Variants in SARNP observed in about 807,000 individuals in gnomAD.
SARNP encodes SAP domain-containing ribonucleoprotein.
Under a neutral mutation model 38.1 loss-of-function variants are expected in SARNP, and 5 were observed. The observed-to-expected ratio is 0.13, with a 90% CI of 0.07 to 0.28. The LOEUF is 0.28. Ranked by LOEUF, SARNP falls within the 10% of genes least tolerant of loss-of-function variation. SARNP has a pLI of 1.00. For synonymous variants in SARNP, 84 were observed against 80.6 expected (o/e 1.04, Z -0.23); for missense variants, 180 against 243.9 (o/e 0.74, Z 1.75).
At chr12:55,761,741 T>G (rs892725172) in intron 9 of SARNP, 1 of 152,070 alleles carries the variant, frequency 6.6e-6, no homozygotes, top group African/African-American at 2.4e-5. Context: ...TTTCTCCACC[T>G]CCCCCTCACA....
At chr12:55,779,618 T>C (rs1353762272) in intron 9 of SARNP, among the ~76,000 whole-genome samples, 1 of 152,158 alleles carries the variant, frequency 6.6e-6, no homozygotes, top group Non-Finnish European at 1.5e-5. Flanking sequence ...CCCATCATTC[T>C]TCCTTTGGAA....
At chr12:55,768,927 T>C (rs1878927276) in intron 9 of SARNP, among the ~76,000 whole-genome samples, 1 of 151,942 alleles carries the variant, frequency 6.6e-6, no homozygotes, top group Admixed American at 6.6e-5. Flanking sequence ...TTTCACCATG[T>C]TGGCCAGGCT....
At chr12:55,816,403 T>C (rs143006099) in intron 1 of SARNP, among the ~76,000 whole-genome samples, 117 of 152,324 alleles carry the variant, frequency 7.7e-4, no homozygotes, top group Middle Eastern at 3.4e-3. Context: ...ACCGCTGATA[T>C]AGTCTATGCA....
intron 1 of SARNP, among the ~76,000 whole-genome samples, chr12:55,812,952 A>AT (rs879651394): frequency 1.7e-3 from 256 of 147,864 alleles, no homozygotes; most frequent in Admixed American, 2.7e-3. Flanking sequence ...CGTTTAGCTG[A>AT]TTTTTTTTTT....
intron 9 of SARNP, among the ~76,000 whole-genome samples, chr12:55,763,475 T>C (rs574592500): frequency 6.6e-6 from 1 of 152,112 alleles, no homozygotes; most frequent in Admixed American, 6.5e-5. Context: ...CCACACCTAA[T>C]TTTTGTATTT....
At chr12:55,794,283 G>A in intron 7 of SARNP, 76 bp downstream of exon 7, 1 of 1,270,840 alleles carries the variant, frequency 7.9e-7, no homozygotes, top group Non-Finnish European at 1.1e-6. Flanking sequence ...ACCTTATTTT[G>A]GAGAAATAAA....
At chr12:55,804,480 G>C (rs1880077258) in intron 1 of SARNP, among the ~76,000 whole-genome samples, 1 of 151,448 alleles carries the variant, frequency 6.6e-6, no homozygotes, top group African/African-American at 2.4e-5. Flanking sequence ...AATTTAGTAG[G>C]AATAAGGTAT....
chr12:55,782,101 G>A (rs1879356996), intron 9 of SARNP, among the ~76,000 whole-genome samples: 1 of 152,126 alleles, frequency 6.6e-6, no homozygotes, highest in African/African-American at 2.4e-5. Context: ...ATCCTTCAAG[G>A]TTTACTGGAC....
intron 9 of SARNP, among the ~76,000 whole-genome samples, chr12:55,775,543 AAAAAACAAAAAC>A (rs1565673931): frequency 2.4e-4 from 35 of 145,188 alleles, no homozygotes; most frequent in African/African-American, 9.1e-4. Context: ...AAAAAAAAAC[AAAAAACAAAAAC>A]AAAAAAAAAA....
intron 7 of SARNP, chr12:55,793,294 A>G (rs1285591808): frequency 6.6e-6 from 1 of 152,148 alleles, no homozygotes; most frequent in Admixed American, 6.5e-5. Context: ...AAATAGTAAT[A>G]ATTTCCTCTA....
downstream of SARNP, chr12:55,756,879 T>TG (rs1878521023): frequency 6.6e-6 from 1 of 152,154 alleles, no homozygotes; most frequent in African/African-American, 2.4e-5. Context: ...TTTCCTTTAA[T>TG]GTGGGACCCT....
chr12:55,790,027 CT>C (rs1879618654), intron 8 of SARNP, among the ~76,000 whole-genome samples: 1 of 151,694 alleles, frequency 6.6e-6, no homozygotes, highest in African/African-American at 2.4e-5. Flanking sequence ...ACAGCAACCC[CT>C]AAAGCAGGAT....
intron 5 of SARNP, among the ~76,000 whole-genome samples, chr12:55,795,569 T>C (rs772431664): frequency 6.6e-6 from 1 of 152,210 alleles, no homozygotes; most frequent in Admixed American, 6.5e-5. Flanking sequence ...CATTGTTTTA[T>C]GCCATTCTAA....
intron 7 of SARNP, among the ~76,000 whole-genome samples, chr12:55,790,890 T>C (rs918653835): frequency 2.6e-5 from 4 of 152,180 alleles, no homozygotes; most frequent in Admixed American, 6.5e-5. Flanking sequence ...ACACAAAAAT[T>C]TGTACATAAA....
At chr12:55,808,102 C>A (rs894744113) in intron 1 of SARNP, among the ~76,000 whole-genome samples, 1 of 152,152 alleles carries the variant, frequency 6.6e-6, no homozygotes, top group Non-Finnish European at 1.5e-5. Flanking sequence ...ACAGCTTTTA[C>A]ATAGTTGTAT....
In SARNP at chr12:55,767,871, A is replaced by T. The variant is rs1378322790; in HGVS notation, c.502-7231T>A. ...CAGAAAAAAAAAAAAAAAAAAAAAA[A>T]GGATATACACACACACACACAAATA... On this transcript the variant is annotated intron_variant, in intron 9 of 10. Transcript: ENST00000336133. Among the ~76,000 whole-genome samples, 52 of 143,872 alleles carry T rather than the reference A, an allele frequency of 3.6e-4. 1 individual carries two copies. Among genetic ancestry groups the T allele is most frequent in the African/African-American group, 1.4e-3 (49 of 36,248 alleles). The allele number at this position is 143,872 out of a possible 152,430, so 94.4% of individuals were successfully genotyped here. A position where few individuals can be genotyped will look rare whatever the true frequency, so the allele number is the denominator to read the frequency against.
At chr12:55,766,632 G>GGGGGGT (rs1565671275) in intron 9 of SARNP, among the ~76,000 whole-genome samples, 1 of 46,570 alleles carries the variant, frequency 2.1e-5, no homozygotes, top group African/African-American at 1.0e-4. Flanking sequence ...GGGGGGGGGG[G>GGGGGGT]TTGTTTTTTT....
At position 55,774,725 on chromosome 12, in the gene SARNP, CA is replaced by C. The variant is rs374374044; in HGVS notation, c.502-14086del. On this transcript the variant is annotated intron_variant, in intron 9 of 10. Transcript: ENST00000336133. ...CCAGCTTGGGTGACAAGAGCAAAAG[CA>C]CCCTCAAAATAAATAAATAAAATAA... Among the ~76,000 whole-genome samples, 18 of 151,782 alleles carry C rather than the reference CA, an allele frequency of 1.2e-4. No homozygotes were observed. The East Asian group carries it at 3.5e-3, about 29-fold the overall frequency.
chr12:55,811,487 T>C (rs1335638631), intron 1 of SARNP, among the ~76,000 whole-genome samples: 2 of 151,714 alleles, frequency 1.3e-5, no homozygotes, highest in Non-Finnish European at 1.5e-5. Context: ...GGTGGATCAC[T>C]TGAGTCCAGA....
Sources: gnomAD v4.1 joint callset for allele counts (sites outside exome capture counted in the v4.1 genomes callset) on GRCh38, gnomAD v4.1.1 for gene constraint, MANE v1.5 for transcripts, NCBI Gene and HGNC (gene_info 2026-07-23, HGNC 2026-07-21) for gene names.